The following RBSN variants were observed in gnomAD, a reference collection of about 807,000 sequenced individuals.
The protein encoded by RBSN is rabenosyn, RAB effector.
Under a neutral mutation model 60.5 loss-of-function variants are expected in RBSN, and 34 were observed. The ratio of observed to expected loss-of-function variants is 0.56; its 90% confidence interval spans 0.43 to 0.75. RBSN has a LOEUF of 0.75. Among genes scored for constraint, RBSN ranks in the 30% least tolerant of loss-of-function variants. The pLI is 0.00. For missense variants in RBSN, 845 were observed against 986.8 expected, an observed-to-expected ratio of 0.86 and a Z score of 1.92; for synonymous variants, 322 against 366.9, an observed-to-expected ratio of 0.88 and a Z score of 1.40.
chr3:15,090,435 C>T lies in RBSN; in HGVS notation c.253G>A (p.Gly85Arg). ...GGTTCCCACATGTAAGGATCAACCC[C>T]TCCATAGCTGAAAGACTCATATCCT... Reference protein sequence around the residue: ...TQGYESFSYGGVDPYMWEPQE... With the variant: ...TQGYESFSYGRVDPYMWEPQE... Residue 85 changes from glycine to arginine, a missense_variant, in exon 5 of 14, where the codon GGG becomes AGG. Physicochemically the swap from Gly to Arg is moderately radical, Grantham distance 125. Coordinates refer to ENST00000253699, the MANE Select transcript of RBSN (RefSeq NM_022340.4). 1.2e-6 allele frequency: 2 copies of T among 1,614,200 alleles called. No homozygotes were observed. Among genetic ancestry groups the T allele is most frequent in the Non-Finnish European group, 8.5e-7 (1 of 1,180,044 alleles).
intron 9 of RBSN, 39 bp from the exon 10 acceptor site, chr3:15,080,841 A>T: frequency 6.5e-7 from 1 of 1,537,512 alleles, no homozygotes; most frequent in Non-Finnish European, 9.0e-7. Flanking sequence ...TATGCTCAAG[A>T]TATAGAAACA....
chr3:15,091,312 A>G (rs995737470), intron 4 of RBSN: 72 of 1,031,834 alleles, frequency 7.0e-5, no homozygotes, highest in Non-Finnish European at 7.9e-5. Context: ...TACCCCAGAA[A>G]CTCATGAGTA....
At chr3:15,086,136 G>A (rs9867079) in intron 5 of RBSN, 175 bp from the exon 6 acceptor site, 115,549 of 493,646 alleles carry the variant, frequency 0.23, 16,435 homozygotes, top group Non-Finnish European at 0.26. Flanking sequence ...GGGTATGTAC[G>A]CCTATAATCC....
chr3:15,093,371 G>A (rs1028221782), intron 4 of RBSN, among the ~76,000 whole-genome samples: 2 of 152,156 alleles, frequency 1.3e-5, no homozygotes, highest in Admixed American at 6.5e-5. Flanking sequence ...TAGAGATGTC[G>A]GGGGTAAGGC....
intron 4 of RBSN, chr3:15,091,233 A>AAAAC (rs1481261908): frequency 1.8e-5 from 8 of 453,168 alleles, no homozygotes; most frequent in African/African-American, 1.3e-4. Flanking sequence ...AAAAAAAAAA[A>AAAAC]AAAATTAAAA....
At position 15,096,268 on chromosome 3, in the gene RBSN, C is replaced by T. The variant is rs2043654956; in HGVS notation, c.-148G>A. The T allele has an allele frequency of 3.7e-6, 3 of 810,732 alleles. No individual in the cohort carries two copies. Among genetic ancestry groups the T allele is most frequent in the Admixed American group, 7.3e-5 (2 of 27,488 alleles). 50.2% of individuals were successfully genotyped at this position (810,732 alleles called of 1,614,324 possible). On this transcript the variant is annotated 5_prime_UTR_variant, in exon 4 of 14. Coordinates refer to ENST00000253699, the MANE Select transcript of RBSN (RefSeq NM_022340.4). ...GCTTCATGGCCCTGGATGAGGTTTC[C>T]TCTCTGGAGTAGGAGGAGCCCTAAG...
chr3:15,078,823 T>TACAC (rs1474266390), intron 10 of RBSN, among the ~76,000 whole-genome samples: 5 of 109,260 alleles, frequency 4.6e-5, no homozygotes, highest in African/African-American at 1.0e-4. Flanking sequence ...TATATATATA[T>TACAC]ACATGGTTTT....
rs548686226 is a variant in RBSN at position 15,096,295 on chromosome 3, A to C, written c.-168-7T>G. 244 of 593,038 alleles carry C rather than the reference A, an allele frequency of 4.1e-4. 1 individual carries two copies. In the African/African-American group the frequency reaches 4.3e-3, roughly 10 times the overall value. The allele number at this position is 593,038 out of a possible 1,614,324, so 36.7% of individuals were successfully genotyped here. Reference sequence around the variant, plus strand: ...CTCTGGAGTAGGAGGAGCCCTAAGAAAGAAAAGAAGAAGGGAAAAAAGCCA... The same window carrying C: ...CTCTGGAGTAGGAGGAGCCCTAAGACAGAAAAGAAGAAGGGAAAAAAGCCA... On this transcript the variant is annotated splice_region_variant and splice_polypyrimidine_tract_variant and intron_variant, in intron 3 of 13. Transcript: ENST00000253699.
rs201337565 is a variant in RBSN, at chr3:15,074,096, G to A, written c.2041C>T (p.Gln681Ter). The A allele has an allele frequency of 5.0e-6, 8 of 1,613,950 alleles. No individual in the cohort carries two copies. The highest frequency in any genetic ancestry group is 6.8e-6 in the Non-Finnish European group (8 of 1,180,006). Residue 681 changes from glutamine to a stop codon, truncating the protein, a stop_gained, in exon 14 of 14, where the codon CAG becomes TAG. Coordinates refer to ENST00000253699, the MANE Select transcript of RBSN (RefSeq NM_022340.4). LOFTEE classifies it high-confidence loss of function. The surrounding 1 kb of genome is among the most constrained non-coding windows in gnomAD (Gnocchi z 6.4). ...GGGTTAGGAGCTGGGCTGTCTGGCTGAATGAATGGATTCCCTGCCACTGCT... is the reference window on the plus strand; with the variant it reads ...GGGTTAGGAGCTGGGCTGTCTGGCTAAATGAATGGATTCCCTGCCACTGCT... Reference protein sequence around the residue: ...EEAVAGNPFIQPDSPAPNPFS... With the variant: ...EEAVAGNPFI
chr3:15,087,693 T>C (rs993885509), intron 5 of RBSN, among the ~76,000 whole-genome samples: 4 of 152,158 alleles, frequency 2.6e-5, no homozygotes, highest in African/African-American at 9.7e-5. Flanking sequence ...ATCTCCAGGC[T>C]CACTGCAATC....
intron 9 of RBSN, chr3:15,081,086 T>C: frequency 3.0e-6 from 1 of 329,282 alleles, no homozygotes; most frequent in Non-Finnish European, 5.6e-6. Flanking sequence ...CGATCTCCAC[T>C]CACTGCAACC....
intron 13 of RBSN, chr3:15,075,220 C>CGA: frequency 1.8e-6 from 1 of 571,184 alleles, no homozygotes; most frequent in Non-Finnish European, 3.1e-6. Context: ...AGGTCTGTTC[C>CGA]CCTCATCTAC....
intron 2 of RBSN, among the ~76,000 whole-genome samples, chr3:15,097,136 C>T (rs1340306852): frequency 6.6e-6 from 1 of 152,154 alleles, no homozygotes; most frequent in Admixed American, 6.5e-5. Context: ...GCTGAGATTA[C>T]AGATGTGAGC....
chr3:15,082,225 A>AT lies in RBSN; in HGVS notation c.840+141dup, dbSNP rs1693468038. Reference sequence around the variant, plus strand: ...CACACAGGGCCCTAGCTGGGAAATCATAACATGGGCCTTTAACAGGAACTA... The same window carrying AT: ...CACACAGGGCCCTAGCTGGGAAATCATTAACATGGGCCTTTAACAGGAACTA... On this transcript the variant is annotated intron_variant, in intron 9 of 13. Coordinates refer to ENST00000253699, the MANE Select transcript of RBSN (RefSeq NM_022340.4). The surrounding 1 kb of genome is among the most constrained non-coding windows in gnomAD (Gnocchi z 4.2). The AT allele has an allele frequency of 8.7e-7, 1 of 1,155,286 alleles. No homozygotes were observed. The highest frequency in any genetic ancestry group is 1.2e-6 in the Non-Finnish European group (1 of 822,348). 71.6% of individuals were successfully genotyped at this position (1,155,286 alleles called of 1,614,324 possible). A position where few individuals can be genotyped will look rare whatever the true frequency, so the allele number is the denominator to read the frequency against.
intron 13 of RBSN, 157 bp downstream of exon 13, chr3:15,075,449 T>C (rs776655338): frequency 1.5e-5 from 11 of 729,696 alleles, no homozygotes; most frequent in East Asian, 1.3e-4. Context: ...CTAGTTCCCA[T>C]AGATGAAAGT....
Position 15,070,341 on chromosome 3 carries a change from A to T in RBSN, c.*3441T>A, listed in dbSNP as rs1212335300. The T allele has an allele frequency of 6.6e-6, 1 of 152,666 alleles. No homozygotes were observed. The highest frequency in any genetic ancestry group is 1.5e-5 in the Non-Finnish European group (1 of 68,044). The allele number at this position is 152,666 out of a possible 1,614,324, so 9.5% of individuals were successfully genotyped here. ...GACATATTGAGCTGCAAGTACAATG[A>T]GTAAGTATCCTTAGTGTATTAGACA... On this transcript the variant is annotated 3_prime_UTR_variant, in exon 14 of 14. Coordinates refer to ENST00000253699, the MANE Select transcript of RBSN (RefSeq NM_022340.4).
chr3:15,096,021 C>T lies in RBSN; in HGVS notation c.100G>A (p.Glu34Lys). The change falls in exon 4 of 14, where the codon GAG becomes AAG. Residue 34 changes from glutamate to lysine, a missense_variant. Coordinates refer to ENST00000253699, the MANE Select transcript of RBSN (RefSeq NM_022340.4). ...QSFYQLHSHY[E>K]EEHSGEDRDV... ...CGGTCTTCCCCTGAGTGTTCTTCCT[C>T]GTAATGTGAGTGAAGCTGATAGAAA... The T allele has an allele frequency of 7.4e-6, 12 of 1,614,144 alleles. No individual in the cohort carries two copies. The highest frequency in any genetic ancestry group is 2.2e-5 in the East Asian group (1 of 44,884).
At position 15,082,730 on chromosome 3, in the gene RBSN, G is replaced by A. The variant is rs1283812226; in HGVS notation, c.599-122C>T. 2.1e-6 allele frequency: 3 copies of A among 1,400,044 alleles called. No homozygotes were observed. The highest frequency in any genetic ancestry group is 2.9e-6 in the Non-Finnish European group (3 of 1,036,532). 86.7% of individuals were successfully genotyped at this position (1,400,044 alleles called of 1,614,324 possible). ...AGAGTAATAAGATCAGGCTCCAGCT[G>A]TGGGCACGTACTGCCCCTCTGCCTT... On this transcript the variant is annotated intron_variant, in intron 8 of 13. Transcript: ENST00000253699. The surrounding 1 kb of genome is among the most constrained non-coding windows in gnomAD (Gnocchi z 4.2).
rs2043715767 is a variant in RBSN at position 15,098,132 on chromosome 3, A to G, written c.-358T>C. 1 of 152,266 alleles carries G rather than the reference A, an allele frequency of 6.6e-6. No homozygotes were observed. Among genetic ancestry groups the G allele is most frequent in the Non-Finnish European group, 1.5e-5 (1 of 68,054 alleles). 9.4% of individuals were successfully genotyped at this position (152,266 alleles called of 1,614,324 possible). On this transcript the variant is annotated 5_prime_UTR_variant, in exon 2 of 14. Coordinates refer to ENST00000253699, the MANE Select transcript of RBSN (RefSeq NM_022340.4). ...AATGCCTCTTACTCAGAGCATCAGA[A>G]TGGACTTCTCCTTCACAGCACTCAT...
Sources: gnomAD v4.1 joint callset for allele counts (sites outside exome capture counted in the v4.1 genomes callset) on GRCh38, gnomAD v4.1.1 for gene constraint, Gnocchi (gnomAD v3.1) non-coding constraint, MANE v1.5 for transcripts, NCBI Gene and HGNC (gene_info 2026-07-23, HGNC 2026-07-21) for gene names.